MAGI2: variants seen among roughly 807,000 people sequenced by gnomAD.
MAGI2 encodes membrane associated guanylate kinase, WW and PDZ domain containing 2, also known as membrane-associated guanylate kinase, WW and PDZ domain-containing protein 2.
A neutral mutation model predicts 133.3 loss-of-function variants in MAGI2; 35 were observed. The ratio of observed to expected loss-of-function variants is 0.26; its 90% CI spans 0.20 to 0.35. The LOEUF is 0.35. Among genes scored for constraint, MAGI2 ranks in the 10% least tolerant of loss-of-function variants. The pLI is 1.00. For missense variants in MAGI2, 1,636 were observed against 1,863.4 expected (o/e 0.88, Z 2.25); for synonymous variants, 729 against 710.6 (o/e 1.03, Z -0.41).
At chr7:79,451,031 C>G (rs540043079) in intron 1 of MAGI2, among the ~76,000 whole-genome samples, 1 of 152,160 alleles carries the variant, frequency 6.6e-6, no homozygotes, top group Non-Finnish European at 1.5e-5. Flanking sequence ...TTTCACTTCT[C>G]CACGTTAAGT....
At chr7:78,352,100 T>C (rs1259364495) in intron 7 of MAGI2, 1 of 152,226 alleles carries the variant, frequency 6.6e-6, no homozygotes, top group Admixed American at 6.5e-5. Flanking sequence ...TTAAGAACAG[T>C]GCCTGGATGT....
intron 9 of MAGI2, among the ~76,000 whole-genome samples, chr7:78,318,531 G>A (rs989761681): frequency 6.6e-6 from 1 of 152,188 alleles, no homozygotes; most frequent in Admixed American, 6.5e-5. Flanking sequence ...ATGGGACCAA[G>A]TTGGAAAACA....
chr7:78,565,312 A>T (rs921345733), intron 3 of MAGI2, among the ~76,000 whole-genome samples: 1 of 151,912 alleles, frequency 6.6e-6, no homozygotes, highest in Non-Finnish European at 1.5e-5. Flanking sequence ...AATTTTTTTA[A>T]AAATTAGTGG....
intron 1 of MAGI2, among the ~76,000 whole-genome samples, chr7:79,126,666 T>A (rs1019984576): frequency 1.3e-5 from 2 of 152,250 alleles, no homozygotes; most frequent in Admixed American, 1.3e-4. Flanking sequence ...CTGAAAGAGT[T>A]CTAACTGAAT....
At chr7:78,653,827 G>T (rs1394786303) in intron 2 of MAGI2, among the ~76,000 whole-genome samples, 1 of 150,456 alleles carries the variant, frequency 6.6e-6, no homozygotes, top group African/African-American at 2.4e-5. Context: ...TTCAGTCTCT[G>T]AATCTTCCCA....
At chr7:79,289,528 T>C (rs190605448) in intron 1 of MAGI2, among the ~76,000 whole-genome samples, 4 of 152,318 alleles carry the variant, frequency 2.6e-5, no homozygotes, top group Admixed American at 2.6e-4. Context: ...TCTGATGGAC[T>C]ATTATTGATG....
intron 20 of MAGI2, among the ~76,000 whole-genome samples, chr7:78,113,592 C>T (rs928243409): frequency 2.0e-5 from 3 of 152,162 alleles, no homozygotes; most frequent in African/African-American, 4.8e-5. Flanking sequence ...AGTACAATAA[C>T]ATGCTGTCCA....
chr7:78,075,811 G>C (rs1327088690), intron 21 of MAGI2, among the ~76,000 whole-genome samples: 1 of 152,144 alleles, frequency 6.6e-6, no homozygotes, highest in African/African-American at 2.4e-5. Context: ...TGAAATTCCA[G>C]AAATATCACT....
At chr7:78,234,977 T>TA (rs1219544643) in intron 10 of MAGI2, among the ~76,000 whole-genome samples, 3 of 151,996 alleles carry the variant, frequency 2.0e-5, no homozygotes, top group Non-Finnish European at 1.5e-5. Context: ...GATTTTTTTT[T>TA]AATTTAAGTT....
At chr7:79,320,585 G>T (rs1191526539) in intron 1 of MAGI2, among the ~76,000 whole-genome samples, 1 of 152,052 alleles carries the variant, frequency 6.6e-6, no homozygotes, top group Non-Finnish European at 1.5e-5. Context: ...AATAATCAAT[G>T]ATTATTCTTT....
intron 2 of MAGI2, among the ~76,000 whole-genome samples, chr7:78,805,050 A>G (rs1788450743): frequency 6.6e-6 from 1 of 151,872 alleles, no homozygotes; most frequent in South Asian, 2.1e-4. Flanking sequence ...CCTGGGCGAC[A>G]GCAAGACTCT....
At chr7:79,175,444 T>C (rs1445159283) in intron 1 of MAGI2, among the ~76,000 whole-genome samples, 1 of 151,970 alleles carries the variant, frequency 6.6e-6, no homozygotes, top group Non-Finnish European at 1.5e-5. Flanking sequence ...TTTCCCTAAA[T>C]GAGATTACAA....
At chr7:78,654,631 C>A (rs777293389) in intron 2 of MAGI2, among the ~76,000 whole-genome samples, 1 of 147,332 alleles carries the variant, frequency 6.8e-6, no homozygotes, top group Non-Finnish European at 1.5e-5. Context: ...AGCCCCATTT[C>A]GAGTTAATAC....
At chr7:78,592,471 G>A (rs1477005129) in intron 3 of MAGI2, among the ~76,000 whole-genome samples, 1 of 151,708 alleles carries the variant, frequency 6.6e-6, no homozygotes, top group Non-Finnish European at 1.5e-5. Flanking sequence ...TAGAGCAAGG[G>A]GATAGAAGGC....
At chr7:79,292,141 C>T (rs905470478) in intron 1 of MAGI2, among the ~76,000 whole-genome samples, 3 of 152,108 alleles carry the variant, frequency 2.0e-5, no homozygotes, top group African/African-American at 7.2e-5. Flanking sequence ...CCAGTTATTT[C>T]AGTACCATTT....
At chr7:78,405,927 A>C (rs1318783575) in intron 6 of MAGI2, among the ~76,000 whole-genome samples, 1 of 147,388 alleles carries the variant, frequency 6.8e-6, no homozygotes, top group African/African-American at 2.5e-5. Flanking sequence ...ATAACAAATT[A>C]CTATAAAATG....
At chr7:78,872,974 T>C (rs1795151419) in intron 2 of MAGI2, among the ~76,000 whole-genome samples, 1 of 152,000 alleles carries the variant, frequency 6.6e-6, no homozygotes, top group Non-Finnish European at 1.5e-5. Context: ...CTTGAGTAAA[T>C]TAAGGCACAC....
intron 13 of MAGI2, among the ~76,000 whole-genome samples, chr7:78,183,984 G>T (rs963093532): frequency 6.6e-6 from 1 of 152,166 alleles, no homozygotes; most frequent in Non-Finnish European, 1.5e-5. Context: ...GCACAGTAAC[G>T]TAATATACCC....
intron 20 of MAGI2, among the ~76,000 whole-genome samples, chr7:78,097,069 A>T (rs1456435440): frequency 6.6e-6 from 1 of 152,208 alleles, no homozygotes; most frequent in East Asian, 1.9e-4. Context: ...AAAAAACCTC[A>T]ACATCACTGA....
Sources: gnomAD v4.1 joint callset for allele counts (sites outside exome capture counted in the v4.1 genomes callset) on GRCh38, gnomAD v4.1.1 for gene constraint, MANE v1.5 for transcripts, NCBI Gene and HGNC (gene_info 2026-07-23, HGNC 2026-07-21) for gene names.